The following SOX6 variants were observed in gnomAD, a reference collection of about 807,000 sequenced individuals.
The protein encoded by SOX6 is SRY-box transcription factor 6.
In SOX6, 11 loss-of-function variants were observed where a neutral mutation model predicts 97.8. The ratio of observed to expected loss-of-function variants is 0.11; its 90% CI spans 0.07 to 0.19. The LOEUF (loss-of-function observed/expected upper bound fraction) is 0.19, where lower values mean the gene tolerates loss of function less well. Among genes scored for constraint, SOX6 ranks in the 10% least tolerant of loss-of-function variants. The pLI, the probability that SOX6 is intolerant of heterozygous loss-of-function variation, is 1.00. For missense variants in SOX6, 810 were observed against 1,039.5 expected (o/e 0.78, Z 3.04); for synonymous variants, 360 against 371.4 (o/e 0.97, Z 0.35).
intron 1 of SOX6, among the ~76,000 whole-genome samples, chr11:16,460,117 G>A (rs1859893368): frequency 1.3e-5 from 2 of 151,908 alleles, no homozygotes; most frequent in East Asian, 3.9e-4. Context: ...AATTACAGCA[G>A]ACTGATTTTT....
intron 3 of SOX6, chr11:16,312,800 A>G (rs1565085223): frequency 6.6e-6 from 1 of 152,188 alleles, no homozygotes; most frequent in Admixed American, 6.6e-5. Flanking sequence ...TATTGGCAAC[A>G]AGACGGGTGA....
At chr11:16,262,591 C>G (rs1297974809) in intron 3 of SOX6, among the ~76,000 whole-genome samples, 1 of 152,068 alleles carries the variant, frequency 6.6e-6, no homozygotes, top group Admixed American at 6.6e-5. Flanking sequence ...TAAACTGTCA[C>G]AAGGGTGATA....
intron 2 of SOX6, among the ~76,000 whole-genome samples, chr11:16,715,409 T>G (rs1241935271): frequency 6.6e-6 from 1 of 152,222 alleles, no homozygotes. Context: ...TGACTCAGAT[T>G]ATATTTCTGT....
intron 12 of SOX6, among the ~76,000 whole-genome samples, chr11:16,021,084 T>A (rs1855045376): frequency 6.6e-6 from 1 of 152,114 alleles, no homozygotes; most frequent in Non-Finnish European, 1.5e-5. Context: ...TTATATAATT[T>A]AATGTGAAAA....
intron 2 of SOX6, among the ~76,000 whole-genome samples, chr11:16,326,833 C>T (rs1856109168): frequency 6.6e-6 from 1 of 152,186 alleles, no homozygotes; most frequent in Non-Finnish European, 1.5e-5. Flanking sequence ...CATGAGGTTA[C>T]AGTTAAGTCA....
chr11:16,498,885 C>T (rs1450636388), intron 4 of SOX6, among the ~76,000 whole-genome samples: 4 of 152,288 alleles, frequency 2.6e-5, no homozygotes, highest in Admixed American at 2.0e-4. Flanking sequence ...CCACTGTCAA[C>T]ATTAGACAGA....
chr11:16,072,059 AC>A (rs796173677), intron 9 of SOX6, among the ~76,000 whole-genome samples: 19 of 152,172 alleles, frequency 1.2e-4, no homozygotes, highest in Admixed American at 1.3e-4. Flanking sequence ...CCACACTAGT[AC>A]CCCAGCAATG....
At position 16,234,603 on chromosome 11, in the gene SOX6, C is replaced by T. The variant is rs1326444310; in HGVS notation, c.514G>A (p.Glu172Lys). The change falls in exon 4 of 16, where the codon GAA (glutamate) becomes AAA (lysine). Residue 172 changes from glutamate (E) to lysine (K), a missense_variant. Coordinates refer to ENST00000683767, the MANE Select transcript of SOX6 (RefSeq NM_001367873.1). ...KEKMERLNTSELLGEIKGTPE... is the reference protein window; with the variant it reads ...KEKMERLNTSKLLGEIKGTPE... ...GTACCTTTAATTTCTCCAAGAAGTT[C>T]ACTGGTATTTAGTCTTTCCATTTTT... 1.9e-6 allele frequency: 3 copies of T among 1,593,440 alleles called. No individual in the cohort carries two copies. In the Admixed American group the frequency reaches 5.0e-5, roughly 27 times the overall value.
intron 3 of SOX6, among the ~76,000 whole-genome samples, chr11:16,289,704 C>T (rs1172249657): frequency 1.3e-5 from 2 of 151,940 alleles, no homozygotes; most frequent in Admixed American, 6.6e-5. Flanking sequence ...TTATTCGCAG[C>T]CTATCAATTC....
At chr11:16,236,084 C>T (rs1444229346) in intron 3 of SOX6, among the ~76,000 whole-genome samples, 2 of 151,918 alleles carry the variant, frequency 1.3e-5, no homozygotes, top group Non-Finnish European at 2.9e-5. Flanking sequence ...TACTTCTTCC[C>T]TCCCGTTTTC....
chr11:16,134,317 A>C (rs1051259478), intron 6 of SOX6, among the ~76,000 whole-genome samples: 2 of 152,208 alleles, frequency 1.3e-5, no homozygotes, highest in Admixed American at 1.3e-4. Context: ...GAGATTTTCA[A>C]GACTGGGGCC....
At chr11:16,106,989 C>G (rs556207047) in intron 7 of SOX6, among the ~76,000 whole-genome samples, 1 of 152,130 alleles carries the variant, frequency 6.6e-6, no homozygotes, top group East Asian at 1.9e-4. Flanking sequence ...AAAAGATGAT[C>G]AGCATCATAA....
At chr11:16,598,838 T>C (rs1056303221) in intron 4 of SOX6, among the ~76,000 whole-genome samples, 1 of 152,030 alleles carries the variant, frequency 6.6e-6, no homozygotes, top group Non-Finnish European at 1.5e-5. Context: ...TGAATGGATA[T>C]ATCAAAGATA....
intron 3 of SOX6, among the ~76,000 whole-genome samples, chr11:16,301,329 G>A (rs1399137577): frequency 6.6e-6 from 1 of 152,130 alleles, no homozygotes; most frequent in African/African-American, 2.4e-5. Flanking sequence ...ATGTTACCCA[G>A]TCAGAAGTCG....
chr11:16,700,143 G>A (rs1027494868), intron 3 of SOX6, among the ~76,000 whole-genome samples: 1 of 152,136 alleles, frequency 6.6e-6, no homozygotes, highest in African/African-American at 2.4e-5. Context: ...ATTTGGTCTG[G>A]TCAGAGAAAT....
rs537323735 is a variant in SOX6, at chr11:16,535,083, C to T, written n.610-58695G>A. Among the ~76,000 whole-genome samples, 45 of 152,218 alleles carry T rather than the reference C, an allele frequency of 3.0e-4. 1 individual carries two copies. In the South Asian group the frequency reaches 9.3e-3, roughly 32 times the overall value. On this transcript the variant is annotated intron_variant and non_coding_transcript_variant, in intron 4 of 5. Coordinates refer to the SOX6 transcript ENST00000524520. Reference sequence around the variant, plus strand: ...GGAATTTGACCTGCATATTGAAGGGCAGTAGTACATTGTTAGTTTTGTTTG... The same window carrying T: ...GGAATTTGACCTGCATATTGAAGGGTAGTAGTACATTGTTAGTTTTGTTTG...
intron 12 of SOX6, among the ~76,000 whole-genome samples, chr11:16,022,540 T>C (rs1269291615): frequency 6.6e-6 from 1 of 151,976 alleles, no homozygotes; most frequent in Non-Finnish European, 1.5e-5. Flanking sequence ...GCCTCCCAAG[T>C]AGCTGGGATT....
At chr11:16,484,442 C>G in intron 4 of SOX6, 2 of 796,294 alleles carry the variant, frequency 2.5e-6, no homozygotes, top group Non-Finnish European at 4.6e-6. Flanking sequence ...CCACAGCTTA[C>G]TGACAATGAA....
rs569556029 is a variant in SOX6, at chr11:16,381,733, T to C, written c.-4-40481A>G. Among the ~76,000 whole-genome samples the C allele has an allele frequency of 1.8e-4, 27 of 152,040 alleles. 2 individuals are homozygous for C. The highest frequency in any genetic ancestry group is 6.5e-4 in the African/African-American group (27 of 41,524). ...CAGTACAAAATTCTAGTCTCACACATCATCTTTCACCGACTTCCATATCTA... is the reference window on the plus strand; with the variant it reads ...CAGTACAAAATTCTAGTCTCACACACCATCTTTCACCGACTTCCATATCTA... On this transcript the variant is annotated intron_variant, in intron 1 of 15. Transcript: ENST00000396356.
Sources: allele counts gnomAD v4.1 joint callset (sites outside exome capture counted in the v4.1 genomes callset), GRCh38; gene constraint gnomAD v4.1.1; transcripts MANE v1.5; gene names NCBI Gene and HGNC (gene_info 2026-07-23, HGNC 2026-07-21).